CLVS1: variants seen among roughly 807,000 people sequenced by gnomAD.
CLVS1 encodes clavesin-1.
A neutral mutation model predicts 33.1 loss-of-function variants in CLVS1; 10 were observed. That is an observed-to-expected ratio of 0.30 (90% CI 0.19 to 0.51). The LOEUF is 0.51. Among genes scored for constraint, CLVS1 ranks in the 20% least tolerant of loss-of-function variants. The probability of loss-of-function intolerance (pLI) is 0.97; values close to 1 mark genes in which losing one functional copy is unlikely to be tolerated. For synonymous variants in CLVS1, 163 were observed against 166.1 expected (o/e 0.98, Z 0.14); for missense variants, 343 against 433.4 (o/e 0.79, Z 1.85).
chr8:61,303,799 A>G (rs1810518741), intron 2 of CLVS1, among the ~76,000 whole-genome samples: 1 of 152,234 alleles, frequency 6.6e-6, no homozygotes. Context: ...GGAGGATTGA[A>G]TGACATAACG....
intron 2 of CLVS1, among the ~76,000 whole-genome samples, chr8:61,212,195 C>G (rs1436859742): frequency 6.6e-6 from 1 of 152,198 alleles, no homozygotes; most frequent in East Asian, 1.9e-4. Flanking sequence ...GTTCCATGCT[C>G]TACTTGGGAA....
At chr8:61,037,583 G>A in the CLVS1 span, among the ~76,000 whole-genome samples, 49,845 of 152,118 alleles carry the variant, frequency 0.33, 9,044 homozygotes, top group Non-Finnish European at 0.41. Flanking sequence ...GAATAGTGCT[G>A]CCATGAATGT....
chr8:61,459,152 T>G (rs1038939661), intron 5 of CLVS1, among the ~76,000 whole-genome samples: 6 of 152,006 alleles, frequency 3.9e-5, no homozygotes, highest in South Asian at 4.2e-4. Context: ...ATTAGAGTGA[T>G]GGAATAATCT....
chr8:60,982,976 T>C, the CLVS1 span, among the ~76,000 whole-genome samples: 1 of 152,270 alleles, frequency 6.6e-6, no homozygotes, highest in South Asian at 2.1e-4. Flanking sequence ...AACTGAATCA[T>C]GCTCTGCCTA....
intron 4 of CLVS1, among the ~76,000 whole-genome samples, chr8:61,455,035 C>T (rs962641560): frequency 7.4e-4 from 112 of 151,850 alleles, no homozygotes; most frequent in Non-Finnish European, 1.3e-3. Flanking sequence ...TTCTTTTTTT[C>T]CCAGTGTTAT....
intron 2 of CLVS1, among the ~76,000 whole-genome samples, chr8:61,280,570 G>A (rs1809649415): frequency 6.6e-6 from 1 of 152,156 alleles, no homozygotes; most frequent in African/African-American, 2.4e-5. Context: ...AATTGAAAAG[G>A]AAAATAATTA....
chr8:61,082,928 T>A (rs553262494), intron 1 of CLVS1, among the ~76,000 whole-genome samples: 1 of 151,686 alleles, frequency 6.6e-6, no homozygotes, highest in Admixed American at 6.6e-5. Context: ...TCTCAGCTAC[T>A]AAGGAGGGTG....
chr8:61,398,433 C>T (rs973546806), intron 3 of CLVS1, among the ~76,000 whole-genome samples: 3 of 152,108 alleles, frequency 2.0e-5, no homozygotes, highest in Admixed American at 1.3e-4. Context: ...CCACCTGCCT[C>T]GGCCTCCCAA....
chr8:61,486,539 C>T (rs148224691), intron 5 of CLVS1, among the ~76,000 whole-genome samples: 5 of 152,276 alleles, frequency 3.3e-5, no homozygotes, highest in East Asian at 3.9e-4. Context: ...TAATCCTTCA[C>T]GTACCTTAAA....
intron 2 of CLVS1, among the ~76,000 whole-genome samples, chr8:61,348,502 CTT>C (rs1007807021): frequency 4.1e-4 from 62 of 152,184 alleles, no homozygotes; most frequent in African/African-American, 1.4e-3. Context: ...ATAATAATAA[CTT>C]ATCATAACGT....
chr8:61,311,783 A>G lies in CLVS1; in HGVS notation c.455+11501A>G, dbSNP rs913554552. On this transcript the variant is annotated intron_variant, in intron 2 of 5. Transcript: ENST00000325897. ...GTCTCCTCTGATGGCTAGAAGTCCA[A>G]GGGCCTAAGAATAACTTCTTCCTTC... 2.6e-5 allele frequency among the ~76,000 whole-genome samples: 4 copies of G among 152,334 alleles called. No homozygotes were observed. The Middle Eastern group carries it at 0.01, about 389-fold the overall frequency.
At chr8:61,013,943 G>A in the CLVS1 span, among the ~76,000 whole-genome samples, 3 of 142,986 alleles carry the variant, frequency 2.1e-5, no homozygotes, top group South Asian at 2.1e-4. Flanking sequence ...GACAGGCCTC[G>A]GGCCTCCTGG....
At chr8:61,086,650 C>T (rs1805132695) in intron 1 of CLVS1, among the ~76,000 whole-genome samples, 1 of 151,632 alleles carries the variant, frequency 6.6e-6, no homozygotes, top group African/African-American at 2.4e-5. Context: ...CCAAATATAA[C>T]ATTTATTAAT....
At chr8:61,284,559 G>A (rs764220361), upstream of CLVS1, among the ~76,000 whole-genome samples, 2 of 152,142 alleles carry the variant, frequency 1.3e-5, no homozygotes, top group Non-Finnish European at 2.9e-5. Context: ...AGTGAGAAGT[G>A]GGTAAAGACC....
At position 61,160,895 on chromosome 8, in the gene CLVS1, G is replaced by A. The variant is rs75107756; in HGVS notation, c.-152+29035G>A. On this transcript the variant is annotated intron_variant, in intron 2 of 2. Transcript: ENST00000522621. ...CTGTCAGTTTAGCAAGAATACTCTC[G>A]TAGAAGAGGAGAAAATATTTGCAAA... Among the ~76,000 whole-genome samples the A allele has an allele frequency of 5.4e-3, 817 of 152,162 alleles. 7 individuals carry two copies. Among genetic ancestry groups the A allele is most frequent in the African/African-American group, 0.019 (769 of 41,502 alleles).
At chr8:60,978,977 TGTG>T in the CLVS1 span, among the ~76,000 whole-genome samples, 1 of 152,212 alleles carries the variant, frequency 6.6e-6, no homozygotes, top group South Asian at 2.1e-4. Context: ...ATCCAGCCTG[TGTG>T]AGAGGAGTCA....
chr8:61,302,743 T>C (rs1041528482), intron 2 of CLVS1, among the ~76,000 whole-genome samples: 2 of 152,190 alleles, frequency 1.3e-5, no homozygotes, highest in Admixed American at 6.5e-5. Flanking sequence ...TGAGACTGGG[T>C]AATTTATGAA....
chr8:61,489,367 G>A (rs1414917246), intron 5 of CLVS1, among the ~76,000 whole-genome samples: 2 of 152,198 alleles, frequency 1.3e-5, no homozygotes, highest in Non-Finnish European at 2.9e-5. Flanking sequence ...TAAGAATGTG[G>A]ACTGTAGAAT....
At chr8:61,044,393 C>T in the CLVS1 span, among the ~76,000 whole-genome samples, 12 of 152,198 alleles carry the variant, frequency 7.9e-5, no homozygotes, top group African/African-American at 2.9e-4. Flanking sequence ...ATAATCAGCC[C>T]CACCAAGATA....
Sources: gnomAD v4.1 joint callset for allele counts (sites outside exome capture counted in the v4.1 genomes callset) on GRCh38, gnomAD v4.1.1 for gene constraint, MANE v1.5 for transcripts, NCBI Gene and HGNC (gene_info 2026-07-23, HGNC 2026-07-21) for gene names.